The following PHEX variants were observed in gnomAD, a reference collection of about 807,000 sequenced individuals.
The protein encoded by PHEX is phosphate regulating endopeptidase X-linked, also known as phosphate-regulating neutral endopeptidase PHEX.
In PHEX, 16 loss-of-function variants were observed where a neutral mutation model predicts 68.0. The ratio of observed to expected loss-of-function variants is 0.24; its 90% CI spans 0.16 to 0.36. The LOEUF (loss-of-function observed/expected upper bound fraction) is 0.36, where lower values mean the gene tolerates loss of function less well. Ranked by LOEUF, PHEX falls within the 10% of genes least tolerant of loss-of-function variation. The probability of loss-of-function intolerance (pLI) is 1.00; values close to 1 mark genes in which losing one functional copy is unlikely to be tolerated. For synonymous variants in PHEX, 208 were observed against 205.1 expected (o/e 1.01, Z -0.12); for missense variants, 480 against 575.5 (o/e 0.83, Z 1.70).
intron 16 of PHEX, among the ~76,000 whole-genome samples, chrX:22,215,302 T>C (rs1223882319): frequency 9.0e-6 from 1 of 111,491 alleles, no homozygotes; most frequent in Non-Finnish European, 1.9e-5. Flanking sequence ...GTACTCAGCA[T>C]TGGGAATATG....
intron 11 of PHEX, among the ~76,000 whole-genome samples, chrX:22,125,643 G>A (rs1199903964): frequency 1.8e-5 from 2 of 111,475 alleles, no homozygotes; most frequent in Admixed American, 1.9e-4. Context: ...TTCCACTAAA[G>A]TTTGTGTTTG....
At chrX:22,097,484 G>C (rs961271992) in intron 8 of PHEX, among the ~76,000 whole-genome samples, 2 of 111,735 alleles carry the variant, frequency 1.8e-5, no homozygotes, top group Non-Finnish European at 3.8e-5. Context: ...AAGGGCCAGT[G>C]ATGTGTCTAA....
chrX:22,112,612 A>G (rs749937684), intron 10 of PHEX, among the ~76,000 whole-genome samples: 42 of 111,579 alleles, frequency 3.8e-4, no homozygotes, highest in East Asian at 5.6e-4. Flanking sequence ...ACTAGCATAT[A>G]AAGTTACTTT....
chrX:22,243,062 G>C (rs910895609), intron 20 of PHEX, among the ~76,000 whole-genome samples: 2 of 111,879 alleles, frequency 1.8e-5, no homozygotes, highest in African/African-American at 6.5e-5. Context: ...AAAACAGCAT[G>C]GTACTGGTAC....
chrX:22,138,267 C>T (rs1268681242), intron 12 of PHEX, among the ~76,000 whole-genome samples: 1 of 112,714 alleles, frequency 8.9e-6, no homozygotes, highest in Non-Finnish European at 1.9e-5. Context: ...TGGTTGCTAG[C>T]ACTGCTTCAG....
intron 5 of PHEX, among the ~76,000 whole-genome samples, chrX:22,078,157 T>G (rs1390745038): frequency 1.8e-5 from 2 of 112,212 alleles, no homozygotes; most frequent in African/African-American, 6.5e-5. Context: ...TCAACTTCAC[T>G]CTGAATCTCT....
At chrX:22,217,044 T>G (rs5904514) in intron 16 of PHEX, among the ~76,000 whole-genome samples, 1 of 110,397 alleles carries the variant, frequency 9.1e-6, no homozygotes, top group Admixed American at 9.6e-5. Context: ...GGAGCAGCCC[T>G]GCTTAAAGGA....
chrX:22,109,191 G>T (rs965922359), intron 9 of PHEX, among the ~76,000 whole-genome samples: 1 of 111,342 alleles, frequency 9.0e-6, no homozygotes, highest in Non-Finnish European at 1.9e-5. Context: ...TACAATGGTG[G>T]TCTAACAAGA....
At chrX:22,233,409 A>C (rs1935840719) in intron 20 of PHEX, among the ~76,000 whole-genome samples, 1 of 111,400 alleles carries the variant, frequency 9.0e-6, no homozygotes, top group African/African-American at 3.3e-5. Context: ...AGTGTTTTCC[A>C]ACTTGGTTCC....
intron 15 of PHEX, among the ~76,000 whole-genome samples, chrX:22,192,983 T>A (rs992027078): frequency 1.1e-4 from 12 of 111,125 alleles, no homozygotes; most frequent in Non-Finnish European, 1.9e-4. Context: ...GGGATTTTTT[T>A]ATTTATACAT....
chrX:22,232,906 T>C (rs1602420546), intron 20 of PHEX, among the ~76,000 whole-genome samples: 3 of 110,896 alleles, frequency 2.7e-5, no homozygotes, highest in South Asian at 3.9e-4. Context: ...GGTCTTTCTT[T>C]ACAATTTGGT....
At chrX:22,182,972 G>T (rs185207870) in intron 14 of PHEX, among the ~76,000 whole-genome samples, 18 of 111,667 alleles carry the variant, frequency 1.6e-4, no homozygotes, top group African/African-American at 4.9e-4. Flanking sequence ...TCCTAAAATG[G>T]TTATTTGTTG....
rs1394938132 is a variant in PHEX, at chrX:22,249,460, A to T, written c.*1507A>T. The stretch of plus-strand genomic sequence containing the variant: ...ATTCTTTTAAAAAAAAAAAAAATAT[A>T]TATATATATATATATATATATATAT... On this transcript the variant is annotated 3_prime_UTR_variant, in exon 22 of 22. Transcript: ENST00000379374. 1 of 52,870 alleles carries T rather than the reference A, an allele frequency of 1.9e-5. No individual in the cohort carries two copies. The highest frequency in any genetic ancestry group is 8.4e-5 in the African/African-American group (1 of 11,854). 4.4% of individuals were successfully genotyped at this position (52,870 alleles called of 1,213,427 possible).
Position 22,250,431 on chromosome X carries a change from C to A in PHEX, c.*2478C>A, listed in dbSNP as rs996882861. On this transcript the variant is annotated 3_prime_UTR_variant, in exon 22 of 22. Coordinates refer to ENST00000379374, the MANE Select transcript of PHEX (RefSeq NM_000444.6). ...AATGGAGGAGAGCCATGAAGTTTTA[C>A]AAAAATAATTATGGTAAATTAAAAG... 9.0e-6 allele frequency: 1 copy of A among 111,555 alleles called. No individual in the cohort carries two copies. The highest frequency in any genetic ancestry group is 3.3e-5 in the African/African-American group (1 of 30,669). The allele number at this position is 111,555 out of a possible 1,213,427, so 9.2% of individuals were successfully genotyped here. A position where few individuals can be genotyped will look rare whatever the true frequency, so the allele number is the denominator to read the frequency against.
At chrX:22,108,260 C>T (rs750746230) in intron 9 of PHEX, among the ~76,000 whole-genome samples, 2 of 111,511 alleles carry the variant, frequency 1.8e-5, no homozygotes, top group Non-Finnish European at 3.8e-5. Flanking sequence ...TCCATTGGGT[C>T]TGAGAAGAAC....
chrX:22,131,417 AAG>A (rs2147083611), intron 11 of PHEX, among the ~76,000 whole-genome samples: 1 of 112,785 alleles, frequency 8.9e-6, no homozygotes, highest in African/African-American at 3.2e-5. Context: ...ATGATTTTTA[AAG>A]GACCTTTTGC....
intron 20 of PHEX, among the ~76,000 whole-genome samples, chrX:22,229,082 C>G (rs1021776180): frequency 8.9e-6 from 1 of 112,000 alleles, no homozygotes; most frequent in Non-Finnish European, 1.9e-5. Context: ...TATGGCTACA[C>G]AGTATGCCAT....
intron 12 of PHEX, among the ~76,000 whole-genome samples, chrX:22,150,435 C>T (rs940084925): frequency 1.8e-5 from 2 of 111,866 alleles, no homozygotes; most frequent in Non-Finnish European, 3.8e-5. Flanking sequence ...ATATATTGGG[C>T]TTTGCAGGTC....
chrX:22,185,816 C>A (rs770104423), intron 14 of PHEX, among the ~76,000 whole-genome samples: 8 of 100,832 alleles, frequency 7.9e-5, no homozygotes, highest in African/African-American at 3.1e-4. Context: ...AGTACATTGG[C>A]GTGATCTCGG....
Sources: allele counts gnomAD v4.1 joint callset (sites outside exome capture counted in the v4.1 genomes callset), GRCh38; gene constraint gnomAD v4.1.1; transcripts MANE v1.5; gene names NCBI Gene and HGNC (gene_info 2026-07-23, HGNC 2026-07-21).